VPS13A: variants seen among roughly 807,000 people sequenced by gnomAD.
VPS13A encodes vacuolar protein sorting 13 homolog A.
VPS13A carries 264 observed loss-of-function variants against 390.9 expected under a neutral mutation model. The observed-to-expected ratio is 0.68, with a 90% CI of 0.61 to 0.75. The LOEUF (loss-of-function observed/expected upper bound fraction) is 0.75, where lower values mean the gene tolerates loss of function less well. Ranked by LOEUF, VPS13A falls within the 30% of genes least tolerant of loss-of-function variation. The probability of loss-of-function intolerance (pLI) is 0.00; values close to 1 mark genes in which losing one functional copy is unlikely to be tolerated. For missense variants in VPS13A, 3,409 were observed against 3,733.9 expected, an observed-to-expected ratio of 0.91 and a Z score of 2.27; for synonymous variants, 1,231 against 1,227.1, an observed-to-expected ratio of 1.00 and a Z score of -0.07.
intron 35 of VPS13A, among the ~76,000 whole-genome samples, chr9:77,308,837 G>A (rs1208624687): frequency 6.6e-6 from 1 of 152,072 alleles, no homozygotes; most frequent in East Asian, 1.9e-4. Context: ...AAAGCCCTGA[G>A]GTGTTACACA....
intron 23 of VPS13A, among the ~76,000 whole-genome samples, chr9:77,264,311 GTT>G (rs1167044387): frequency 6.6e-6 from 1 of 152,142 alleles, no homozygotes; most frequent in Non-Finnish European, 1.5e-5. Flanking sequence ...CTTTAAAGTA[GTT>G]TTTTTGAATT....
At chr9:77,337,610 A>G (rs1830606275) in intron 47 of VPS13A, 73 bp downstream of exon 47, 3 of 1,467,500 alleles carry the variant, frequency 2.0e-6, no homozygotes, top group African/African-American at 1.4e-5. Flanking sequence ...TAAGATCAAT[A>G]AAAACTATTT....
At position 77,314,513 on chromosome 9, in the gene VPS13A, C is replaced by T. The variant is rs1168247316; in HGVS notation, c.4261C>T (p.Arg1421Cys). Residue 1421 changes from arginine (R) to cysteine (C), a missense_variant, in exon 37 of 72, where the codon CGT becomes TGT. Around this residue, in one of 5 missense-constraint regions of VPS13A, gnomAD observed 2,717 missense variants for 2,917.4 expected, o/e 0.93. Transcript: ENST00000360280. ...TTCATAGGCTTCCTTTACAGATGTT[C>T]GTGATCCTTCTCTGAAACTTGCTGA... The part of the protein sequence containing the change: ...GPKQASFTDV[R>C]DPSLKLAEFK... 1.1e-5 allele frequency: 18 copies of T among 1,611,926 alleles called. No homozygotes were observed. The highest frequency in any genetic ancestry group is 1.5e-5 in the Non-Finnish European group (18 of 1,179,140).
intron 33 of VPS13A, among the ~76,000 whole-genome samples, chr9:77,297,911 T>G (rs866495438): frequency 1.2e-4 from 18 of 152,130 alleles, no homozygotes; most frequent in Admixed American, 2.0e-4. Flanking sequence ...TTGCAGTAAT[T>G]CACATAAGAA....
intron 19 of VPS13A, among the ~76,000 whole-genome samples, chr9:77,238,954 A>C (rs1236674028): frequency 6.6e-6 from 1 of 152,062 alleles, no homozygotes; most frequent in Non-Finnish European, 1.5e-5. Flanking sequence ...TCAATGTATG[A>C]TATTAAAAAA....
chr9:77,231,252 C>A (rs915336159), intron 17 of VPS13A, among the ~76,000 whole-genome samples: 1 of 152,032 alleles, frequency 6.6e-6, no homozygotes, highest in African/African-American at 2.4e-5. Flanking sequence ...CGGCTAGAAC[C>A]TCCAGTAGTA....
chr9:77,295,797 C>T lies in VPS13A; in HGVS notation c.3763C>T (p.Pro1255Ser). The T allele has an allele frequency of 1.9e-6, 3 of 1,613,984 alleles. No individual in the cohort carries two copies. The highest frequency in any genetic ancestry group is 2.5e-6 in the Non-Finnish European group (3 of 1,179,936). The stretch of plus-strand genomic sequence containing the variant: ...AACAGAGAGCCAGAGCTCTCCCCCA[C>T]CTGTTATTGATTTGATAACAATAAA... ...MITESQSSPP[P>S]VIDLITIKLS... The change falls in exon 33 of 72, where the codon CCT (proline) becomes TCT (serine). Residue 1255 changes from proline to serine, a missense_variant. By Grantham distance (74) the Pro-to-Ser change is moderately conservative (BLOSUM62 -1). This residue lies in a region of VPS13A where 2,717 missense variants were observed against 2,917.4 expected (regional missense o/e 0.93). Transcript: ENST00000360280.
Position 77,337,509 on chromosome 9 carries a change from T to G in VPS13A, c.6350T>G (p.Leu2117Arg), listed in dbSNP as rs1830600470. ...LWPPILLRNLLPYKIAYYIEG... is the reference protein window; with the variant it reads ...LWPPILLRNLRPYKIAYYIEG... ...CCACCTATCCTGCTCCGAAATCTTCTTCCTTACAAAATTGCTTATTATATA... is the reference window on the plus strand; with the variant it reads ...CCACCTATCCTGCTCCGAAATCTTCGTCCTTACAAAATTGCTTATTATATA... Residue 2117 changes from leucine (L) to arginine (R), a missense_variant, in exon 47 of 72, where the codon CTT becomes CGT. Physicochemically the swap from Leu to Arg is moderately radical, Grantham distance 102. Around this residue, in one of 5 missense-constraint regions of VPS13A, gnomAD observed 2,717 missense variants for 2,917.4 expected, o/e 0.93. Transcript: ENST00000360280. 1.2e-6 allele frequency: 2 copies of G among 1,612,746 alleles called. No individual in the cohort carries two copies. The highest frequency in any genetic ancestry group is 1.7e-5 in the Admixed American group (1 of 59,884).
chr9:77,391,120 C>CT (rs60839853), intron 68 of VPS13A, among the ~76,000 whole-genome samples: 52,130 of 151,882 alleles, frequency 0.34, 9,428 homozygotes, highest in African/African-American at 0.45. Context: ...CTTAATTAAG[C>CT]AAAGTTGCTA....
chr9:77,327,708 T>A (rs1160377833), intron 45 of VPS13A, among the ~76,000 whole-genome samples: 2 of 152,056 alleles, frequency 1.3e-5, no homozygotes, highest in African/African-American at 4.8e-5. Context: ...ACTTACTGGA[T>A]GAGATAATCT....
intron 22 of VPS13A, 85 bp downstream of exon 22, chr9:77,252,437 T>TG: frequency 9.2e-7 from 1 of 1,084,078 alleles, no homozygotes; most frequent in Middle Eastern, 2.0e-4. Context: ...GACTCTTCCT[T>TG]GTGTGTGTGG....
In VPS13A at chr9:77,382,062, A is replaced by G. The variant is rs1303915892; in HGVS notation, c.9164A>G (p.Asp3055Gly). The G allele has an allele frequency of 6.2e-7, 1 of 1,607,556 alleles. No individual in the cohort carries two copies. Among genetic ancestry groups the G allele is most frequent in the Non-Finnish European group, 8.5e-7 (1 of 1,176,714 alleles). Residue 3055 changes from aspartate (D) to glycine (G), a missense_variant, in exon 68 of 72, where the codon GAT becomes GGT. This residue lies in a region of VPS13A where 318 missense variants were observed against 333.7 expected (regional missense o/e 0.95). Coordinates refer to ENST00000360280, the MANE Select transcript of VPS13A (RefSeq NM_033305.3). ...GTTATCAGACCGTACAGGTTGAGGGATGGGACTGGAAATCAAATGTTACAG... is the reference window on the plus strand; with the variant it reads ...GTTATCAGACCGTACAGGTTGAGGGGTGGGACTGGAAATCAAATGTTACAG... ...DGVIRPYRLR[D>G]GTGNQMLQVM...
At position 77,331,906 on chromosome 9, in the gene VPS13A, C is replaced by A. The variant is rs531980224; in HGVS notation, c.5992-104C>A. The stretch of plus-strand genomic sequence containing the variant: ...ATTTATATAAGCAAGATGAATATTG[C>A]CTGATAGTTCCTTTGTTAAGATAGT... On this transcript the variant is annotated intron_variant, in intron 45 of 71. Coordinates refer to ENST00000360280, the MANE Select transcript of VPS13A (RefSeq NM_033305.3). 396 of 742,706 alleles carry A rather than the reference C, an allele frequency of 5.3e-4. 5 individuals carry two copies. In the South Asian group the frequency reaches 6.1e-3, roughly 11 times the overall value. 46.0% of individuals were successfully genotyped at this position (742,706 alleles called of 1,614,324 possible).
intron 52 of VPS13A, among the ~76,000 whole-genome samples, chr9:77,346,920 A>G (rs1312557126): frequency 6.6e-6 from 1 of 152,174 alleles, no homozygotes; most frequent in Non-Finnish European, 1.5e-5. Flanking sequence ...CTTCACATCT[A>G]GTCCCTTCAC....
Position 77,275,564 on chromosome 9 carries a change from G to A in VPS13A, c.2579G>A (p.Gly860Glu). The A allele has an allele frequency of 6.2e-7, 1 of 1,613,690 alleles. No individual in the cohort carries two copies. Among genetic ancestry groups the A allele is most frequent in the South Asian group, 1.1e-5 (1 of 91,064 alleles). Residue 860 changes from glycine (G) to glutamate (E), a missense_variant, in exon 25 of 72, where the codon GGA becomes GAA. Physicochemically the swap from Gly to Glu is moderately conservative, Grantham distance 98. Transcript: ENST00000360280. ...GAAGAACCTCTTCAGTTTCCAACTG[G>A]AGTTAAAAGTATTCGAACCAGAAAG... is the stretch of plus-strand genomic sequence containing the variant. ...PLEEPLQFPT[G>E]VKSIRTRKLQ...
intron 44 of VPS13A, among the ~76,000 whole-genome samples, chr9:77,322,459 T>G (rs1829802644): frequency 6.6e-6 from 1 of 151,968 alleles, no homozygotes; most frequent in Non-Finnish European, 1.5e-5. Context: ...TAGCTTGTGT[T>G]TCTAGTTAGA....
At chr9:77,353,380 T>TTG in intron 53 of VPS13A, 29 bp from the exon 54 acceptor site, 1 of 1,515,946 alleles carries the variant, frequency 6.6e-7, no homozygotes, top group Non-Finnish European at 9.0e-7. Context: ...TTTTTTGGTT[T>TTG]TTTTTTTTTT....
At chr9:77,273,982 G>A (rs1021851638) in intron 24 of VPS13A, among the ~76,000 whole-genome samples, 8 of 152,022 alleles carry the variant, frequency 5.3e-5, no homozygotes, top group Admixed American at 6.6e-5. Context: ...TTCGAGTGGC[G>A]TATTTTGGTC....
chr9:77,366,910 A>G (rs1379446481), intron 61 of VPS13A, 38 bp downstream of exon 61: 2 of 1,600,236 alleles, frequency 1.2e-6, no homozygotes, highest in Admixed American at 1.7e-5. Context: ...TGATGGAAAT[A>G]TTTCTATTTT....
Sources: allele counts gnomAD v4.1 joint callset (sites outside exome capture counted in the v4.1 genomes callset), GRCh38; gene constraint gnomAD v4.1.1; regional missense constraint gnomAD v4.1.1; transcripts MANE v1.5; gene names NCBI Gene and HGNC (gene_info 2026-07-23, HGNC 2026-07-21).